Variants in ARSG observed in about 807,000 individuals in gnomAD.
The protein encoded by ARSG is ASG.
Under a neutral mutation model 50.5 loss-of-function variants are expected in ARSG, and 37 were observed. The observed-to-expected ratio is 0.73, with a 90% CI of 0.56 to 0.96. ARSG has a LOEUF of 0.96. Ranked by LOEUF, ARSG falls within the 50% of genes least tolerant of loss-of-function variation. The probability of loss-of-function intolerance (pLI) is 0.00; values close to 1 mark genes in which losing one functional copy is unlikely to be tolerated. For synonymous variants in ARSG, 225 were observed against 254.6 expected (o/e 0.88, Z 1.11); for missense variants, 629 against 675.3 (o/e 0.93, Z 0.76).
intron 9 of ARSG, among the ~76,000 whole-genome samples, chr17:68,390,842 G>T (rs1460686453): frequency 6.6e-6 from 1 of 151,598 alleles, no homozygotes; most frequent in Non-Finnish European, 1.5e-5. Flanking sequence ...GGCCGGGCTG[G>T]TCTGGAACTC....
intron 10 of ARSG, among the ~76,000 whole-genome samples, chr17:68,398,119 A>G (rs2081324271): frequency 6.6e-6 from 1 of 152,204 alleles, no homozygotes; most frequent in Non-Finnish European, 1.5e-5. Flanking sequence ...GCATATCCAC[A>G]TCTGTATACA....
chr17:68,415,719 T>C (rs1008928639), intron 11 of ARSG, among the ~76,000 whole-genome samples: 3 of 152,302 alleles, frequency 2.0e-5, no homozygotes, highest in South Asian at 4.1e-4. Flanking sequence ...GGAGCATATA[T>C]GTTTAGGATT....
the ARSG span, among the ~76,000 whole-genome samples, chr17:68,442,125 G>A: frequency 6.6e-6 from 1 of 152,132 alleles, no homozygotes; most frequent in South Asian, 2.1e-4. Context: ...GGCAACCAGT[G>A]AGTTTTCTGA....
intron 2 of ARSG, among the ~76,000 whole-genome samples, chr17:68,321,244 C>G (rs1357942392): frequency 6.6e-6 from 1 of 152,092 alleles, no homozygotes; most frequent in African/African-American, 2.4e-5. Context: ...AATGAGTAGA[C>G]GAAAGGCACC....
At chr17:68,426,254 G>GGGGGGGGGGGGT (rs1445054523), downstream of ARSG, 5 of 816,924 alleles carry the variant, frequency 6.1e-6, no homozygotes, top group Admixed American at 2.3e-5. Flanking sequence ...GGGAGCGGGG[G>GGGGGGGGGGGGT]CTCAAATAAA....
chr17:68,339,193 G>A (rs1165089108), intron 2 of ARSG, among the ~76,000 whole-genome samples: 1 of 152,180 alleles, frequency 6.6e-6, no homozygotes, highest in African/African-American at 2.4e-5. Context: ...TCTCAGTTGG[G>A]AGGCTGAGGC....
intron 1 of ARSG, among the ~76,000 whole-genome samples, chr17:68,299,375 G>A (rs531094507): frequency 5.3e-5 from 8 of 152,052 alleles, no homozygotes; most frequent in Admixed American, 3.3e-4. Context: ...AAAGTGCTGG[G>A]ATTACAGGCA....
At chr17:68,355,480 T>C (rs906549293) in intron 5 of ARSG, among the ~76,000 whole-genome samples, 1 of 152,182 alleles carries the variant, frequency 6.6e-6, no homozygotes, top group African/African-American at 2.4e-5. Context: ...TGCCTCAGCC[T>C]CCTGAGTAGC....
At chr17:68,322,349 C>T (rs1312741977) in intron 2 of ARSG, among the ~76,000 whole-genome samples, 1 of 152,184 alleles carries the variant, frequency 6.6e-6, no homozygotes, top group Non-Finnish European at 1.5e-5. Context: ...CGATAGCTGG[C>T]CGGGCGCGGT....
intron 11 of ARSG, among the ~76,000 whole-genome samples, chr17:68,405,144 T>A (rs1186634641): frequency 6.6e-6 from 1 of 151,432 alleles, no homozygotes; most frequent in African/African-American, 2.4e-5. Flanking sequence ...TTTTTTTTTT[T>A]TTTTTTTAGA....
At chr17:68,266,489 TA>T (rs1555746495) in intron 1 of ARSG, among the ~76,000 whole-genome samples, 3 of 141,768 alleles carry the variant, frequency 2.1e-5, no homozygotes, top group Non-Finnish European at 4.6e-5. Flanking sequence ...TTTTTTTGTA[TA>T]AAAAGTATAC....
At chr17:68,315,414 C>G (rs946098679) in intron 2 of ARSG, among the ~76,000 whole-genome samples, 1 of 151,958 alleles carries the variant, frequency 6.6e-6, no homozygotes, top group African/African-American at 2.4e-5. Flanking sequence ...GTGGTCCTAC[C>G]TACTCCGGAG....
the ARSG span, chr17:68,436,534 G>T: frequency 6.6e-7 from 1 of 1,519,974 alleles, no homozygotes; most frequent in South Asian, 1.1e-5. Flanking sequence ...GAGATTGCAC[G>T]GCTGGAGAGG....
Position 68,370,446 on chromosome 17 carries a change from G to A in ARSG, c.904G>A (p.Asp302Asn). 2 of 1,614,044 alleles carry A rather than the reference G, an allele frequency of 1.2e-6. No homozygotes were observed. Among genetic ancestry groups the A allele is most frequent in the Non-Finnish European group, 8.5e-7 (1 of 1,179,978 alleles). ...KENTFLWFTG[D>N]NGPWAQKCEL... ...TTAATGCTTTTTCTGGTTTCTAGGA[G>A]ACAATGGCCCGTGGGCTCAGAAGTG... Residue 302 changes from aspartate (D) to asparagine (N), a missense_variant and splice_region_variant, in exon 8 of 12, where the codon GAC becomes AAC. Asp to Asn is a conservative substitution (Grantham distance 23). Coordinates refer to ENST00000621439, the MANE Select transcript of ARSG (RefSeq NM_001267727.2).
At chr17:68,441,220 A>G in the ARSG span, 1 of 152,258 alleles carries the variant, frequency 6.6e-6, no homozygotes, top group Non-Finnish European at 1.5e-5. Flanking sequence ...CTGTCTGGCC[A>G]AGCTCTTTAA....
chr17:68,401,487 C>A, intron 11 of ARSG, 37 bp downstream of exon 11: 2 of 1,593,592 alleles, frequency 1.3e-6, no homozygotes, highest in Admixed American at 1.7e-5. Flanking sequence ...CTCCCACAGT[C>A]ACAGCTGCAC....
chr17:68,343,735 A>G lies in ARSG; in HGVS notation c.350A>G (p.Asn117Ser). 1 of 1,614,014 alleles carries G rather than the reference A, an allele frequency of 6.2e-7. No individual in the cohort carries two copies. Among genetic ancestry groups the G allele is most frequent in the Non-Finnish European group, 8.5e-7 (1 of 1,179,956 alleles). The change falls in exon 3 of 12, where the codon AAC (asparagine) becomes AGC (serine). Residue 117 changes from asparagine (N) to serine (S), a missense_variant. By Grantham distance (46) the Asn-to-Ser change is conservative (BLOSUM62 1). Coordinates refer to ENST00000621439, the MANE Select transcript of ARSG (RefSeq NM_001267727.2). ...AVTSVGGLPL[N>S]ETTLAEVLQQ... ...ACTTCTGTGGGAGGCCTTCCGCTCA[A>G]CGAGACCACCTTGGCAGAGGTGCTG... is the stretch of plus-strand genomic sequence containing the variant.
rs782198519 is a variant in ARSG at position 68,270,793 on chromosome 17, A to C, written c.-552+11367A>C. 3.4e-6 allele frequency: 5 copies of C among 1,492,364 alleles called. No individual in the cohort carries two copies. The East Asian group carries it at 1.1e-4, about 34-fold the overall frequency. The allele number at this position is 1,492,364 out of a possible 1,614,324, so 92.4% of individuals were successfully genotyped here. On this transcript the variant is annotated intron_variant, in intron 1 of 11. Transcript: ENST00000448504. The stretch of plus-strand genomic sequence containing the variant: ...CTTGAACAGGAAGCTAGCACAATTC[A>C]CAAGGGAAAGTAGACAAGTGTTTGT...
chr17:68,435,163 C>T, the ARSG span, among the ~76,000 whole-genome samples: 3 of 150,680 alleles, frequency 2.0e-5, no homozygotes, highest in African/African-American at 7.3e-5. Flanking sequence ...GCCGAGATTG[C>T]GCCATTGCAC....
Sources: allele counts gnomAD v4.1 joint callset (sites outside exome capture counted in the v4.1 genomes callset), GRCh38; gene constraint gnomAD v4.1.1; transcripts MANE v1.5; gene names NCBI Gene and HGNC (gene_info 2026-07-23, HGNC 2026-07-21).